Variants in ITGA4 observed in about 807,000 individuals in gnomAD.
ITGA4 encodes integrin subunit alpha 4, also known as integrin alpha-4.
Under a neutral mutation model 133.6 loss-of-function variants are expected in ITGA4, and 63 were observed. That is an observed-to-expected ratio of 0.47 (90% CI 0.38 to 0.58). The LOEUF is 0.58. ITGA4 is among the 20% of genes least tolerant of loss of function. The probability of loss-of-function intolerance (pLI) is 0.00; values close to 1 mark genes in which losing one functional copy is unlikely to be tolerated. For synonymous variants in ITGA4, 483 were observed against 438.0 expected (o/e 1.10, Z -1.28); for missense variants, 1,076 against 1,252.7 (o/e 0.86, Z 2.13).
In ITGA4 at chr2:181,488,847, T is replaced by C. The variant is rs113012681; in HGVS notation, c.1153+2855T>C. 2.3e-4 allele frequency among the ~76,000 whole-genome samples: 35 copies of C among 150,798 alleles called. 1 individual carries two copies. The highest frequency in any genetic ancestry group is 3.5e-4 in the African/African-American group (14 of 40,166). On this transcript the variant is annotated intron_variant, in intron 10 of 27. Coordinates refer to ENST00000397033, the MANE Select transcript of ITGA4 (RefSeq NM_000885.6). ...TGCTGGGATTACAGGCATGAGCCAC[T>C]GCACCCAGCCCTCCAGTTCTAATTT...
At chr2:181,525,438 CCTTA>C (rs887096731) in intron 21 of ITGA4, 147 bp downstream of exon 21, 50 of 559,674 alleles carry the variant, frequency 8.9e-5, no homozygotes, top group African/African-American at 8.5e-4. Context: ...TGTTATAGTC[CCTTA>C]CTTAGCTGTC....
In ITGA4 at chr2:181,536,868, G is replaced by C. The variant is rs1574420204; in HGVS notation, c.*1341G>C. On this transcript the variant is annotated 3_prime_UTR_variant, in exon 28 of 28. Transcript: ENST00000397033. ...CATAAGAGAGCTGTGGCCGAATTTT[G>C]AACATCTGTTATAGGGAGTGATCAA... 2.3e-6 allele frequency: 1 copy of C among 432,620 alleles called. No homozygotes were observed. Among genetic ancestry groups the C allele is most frequent in the East Asian group, 7.1e-5 (1 of 14,032 alleles). The allele number at this position is 432,620 out of a possible 1,614,324, so 26.8% of individuals were successfully genotyped here. A position where few individuals can be genotyped will look rare whatever the true frequency, so the allele number is the denominator to read the frequency against.
In ITGA4 at chr2:181,523,211, T is replaced by A. The variant is rs983602359; in HGVS notation, c.2074-226T>A. 3 of 373,940 alleles carry A rather than the reference T, an allele frequency of 8.0e-6. No individual in the cohort carries two copies. The highest frequency in any genetic ancestry group is 1.5e-5 in the Non-Finnish European group (3 of 199,280). The allele number at this position is 373,940 out of a possible 1,614,324, so 23.2% of individuals were successfully genotyped here. ...ATACACATATATATACACACACATATATACACACATATATACATACATATA... is the reference window on the plus strand; with the variant it reads ...ATACACATATATATACACACACATAAATACACACATATATACATACATATA... On this transcript the variant is annotated intron_variant, in intron 18 of 27. Coordinates refer to ENST00000397033, the MANE Select transcript of ITGA4 (RefSeq NM_000885.6). This position sits in a 1 kb window ranked among gnomAD's most constrained non-coding sequence, Gnocchi z 4.2.
At position 181,527,950 on chromosome 2, in the gene ITGA4, TAA is replaced by T. The variant is rs200297642; in HGVS notation, c.2430+564_2430+565del. On this transcript the variant is annotated intron_variant, in intron 22 of 27. Coordinates refer to ENST00000397033, the MANE Select transcript of ITGA4 (RefSeq NM_000885.6). The stretch of plus-strand genomic sequence containing the variant: ...AAGTATTAGGAGACTGATGTAAACC[TAA>T]GTTTTTAAAAACATTTTTTGCTGTC... Among the ~76,000 whole-genome samples the T allele has an allele frequency of 3.0e-3, 452 of 152,224 alleles. 2 individuals are homozygous for T. The highest frequency in any genetic ancestry group is 0.01 in the African/African-American group (425 of 41,468).
chr2:181,496,661 T>C (rs1356983846), intron 14 of ITGA4, among the ~76,000 whole-genome samples: 1 of 152,198 alleles, frequency 6.6e-6, no homozygotes, highest in Admixed American at 6.5e-5. Flanking sequence ...TATATGACTT[T>C]ATAAGTATTT....
At position 181,480,167 on chromosome 2, in the gene ITGA4, T is replaced by A; in HGVS notation, c.655T>A (p.Ser219Thr). 1 of 1,559,190 alleles carries A rather than the reference T, an allele frequency of 6.4e-7. No homozygotes were observed. Among genetic ancestry groups the A allele is most frequent in the South Asian group, 1.2e-5 (1 of 81,010 alleles). Reference sequence around the variant, plus strand: ...AATTGTGATGGGGGCCCCAGGATCATCTTACTGGACTGGCTCTCTTTTTGT... The same window carrying A: ...AATTGTGATGGGGGCCCCAGGATCAACTTACTGGACTGGCTCTCTTTTTGT... ...DLIVMGAPGS[S>T]YWTGSLFVYN... Residue 219 changes from serine (S) to threonine (T), a missense_variant, in exon 6 of 28, where the codon TCT (serine) becomes ACT (threonine). Physicochemically the swap from Ser to Thr is moderately conservative, Grantham distance 58. Around this residue, in one of 4 missense-constraint regions of ITGA4, gnomAD observed 436 missense variants for 590.7 expected, o/e 0.74. Transcript: ENST00000397033.
chr2:181,526,913 C>G (rs1036274993), intron 21 of ITGA4, among the ~76,000 whole-genome samples: 2 of 142,530 alleles, frequency 1.4e-5, no homozygotes, highest in Non-Finnish European at 3.0e-5. Context: ...CTCACTGCAA[C>G]CTCTGCTTCT....
rs1295571010 is a variant in ITGA4 at position 181,536,764 on chromosome 2, AT to A, written c.*1238del. 1 of 248,518 alleles carries A rather than the reference AT, an allele frequency of 4.0e-6. No individual in the cohort carries two copies. The highest frequency in any genetic ancestry group is 2.3e-5 in the African/African-American group (1 of 43,576). 15.4% of individuals were successfully genotyped at this position (248,518 alleles called of 1,614,324 possible). The stretch of plus-strand genomic sequence containing the variant: ...TCTGGATTTTAAAAAATTTCTTTAA[AT>A]ACAATCATTTTTGTAATATTTATTT... On this transcript the variant is annotated 3_prime_UTR_variant, in exon 28 of 28. Transcript: ENST00000397033.
At chr2:181,459,373 T>C (rs1685211291) in intron 2 of ITGA4, 1 of 152,202 alleles carries the variant, frequency 6.6e-6, no homozygotes, top group Admixed American at 6.5e-5. Context: ...GTGAATAAAA[T>C]TGGTACTTCT....
chr2:181,479,708 A>T (rs1050752109), intron 5 of ITGA4: 1 of 152,088 alleles, frequency 6.6e-6, no homozygotes, highest in Non-Finnish European at 1.5e-5. Flanking sequence ...AGCTAACATT[A>T]TTAGTCAGGG....
At chr2:181,471,453 T>C (rs1289859170) in intron 2 of ITGA4, among the ~76,000 whole-genome samples, 1 of 152,236 alleles carries the variant, frequency 6.6e-6, no homozygotes, top group Non-Finnish European at 1.5e-5. Flanking sequence ...CTACAAGATA[T>C]TAATCAATTT....
At chr2:181,530,678 C>T in intron 24 of ITGA4, 29 bp downstream of exon 24, 2 of 1,597,076 alleles carry the variant, frequency 1.3e-6, no homozygotes, top group Non-Finnish European at 1.7e-6. Flanking sequence ...GGTTGTAGTT[C>T]CTGCTTTCCA....
rs1419171148 is a variant in ITGA4, at chr2:181,522,161, A to C, written c.1923-30A>C. On this transcript the variant is annotated intron_variant, in intron 17 of 27. Transcript: ENST00000397033. The stretch of plus-strand genomic sequence containing the variant: ...AGAGAGGGATTTTTATTTCCTAAAC[A>C]AGAACTAAATAATATTACTTAATTT... 2.1e-6 allele frequency: 3 copies of C among 1,398,936 alleles called. No homozygotes were observed. The East Asian group carries it at 6.9e-5, about 32-fold the overall frequency. 86.7% of individuals were successfully genotyped at this position (1,398,936 alleles called of 1,614,324 possible).
In ITGA4 at chr2:181,516,676, T is replaced by C. The variant is rs114729669; in HGVS notation, c.1922+4901T>C. Among the ~76,000 whole-genome samples the C allele has an allele frequency of 9.6e-3, 1,464 of 152,166 alleles. 18 individuals are homozygous for C. Among genetic ancestry groups the C allele is most frequent in the Non-Finnish European group, 0.014 (970 of 67,966 alleles). On this transcript the variant is annotated intron_variant, in intron 17 of 27. Transcript: ENST00000397033. This position sits in a 1 kb window ranked among gnomAD's most constrained non-coding sequence, Gnocchi z 4.0. ...TGATCCTGAATCAATTATTTTGTTA[T>C]TGTGATACATTCTCTGGAGTTGAAC...
At position 181,495,126 on chromosome 2, in the gene ITGA4, A is replaced by C. The variant is rs1445564495; in HGVS notation, c.1340-245A>C. On this transcript the variant is annotated intron_variant, in intron 12 of 27. Coordinates refer to ENST00000397033, the MANE Select transcript of ITGA4 (RefSeq NM_000885.6). The surrounding 1 kb of genome is among the most constrained non-coding windows in gnomAD (Gnocchi z 4.3). ...TGAATGTTTCTAGTCCAAAAATTGA[A>C]TTTTGTTTTAGTAAACTTGTTTTTG... is the stretch of plus-strand genomic sequence containing the variant. Among the ~76,000 whole-genome samples, 1 of 152,194 alleles carries C rather than the reference A, an allele frequency of 6.6e-6. No individual in the cohort carries two copies. The highest frequency in any genetic ancestry group is 1.5e-5 in the Non-Finnish European group (1 of 68,022).
At chr2:181,482,947 A>G (rs1685838951) in intron 9 of ITGA4, among the ~76,000 whole-genome samples, 1 of 152,094 alleles carries the variant, frequency 6.6e-6, no homozygotes, top group African/African-American at 2.4e-5. Flanking sequence ...GTTGATACTA[A>G]TCTAATTTGA....
intron 17 of ITGA4, among the ~76,000 whole-genome samples, chr2:181,518,782 C>T (rs1686661436): frequency 6.6e-6 from 1 of 151,858 alleles, no homozygotes; most frequent in Admixed American, 6.6e-5. Context: ...GATATGCTTG[C>T]TTTTTATATG....
In ITGA4 at chr2:181,537,470, A is replaced by T. The variant is rs945929699; in HGVS notation, c.*1943A>T. 2.2e-6 allele frequency: 1 copy of T among 450,408 alleles called. No homozygotes were observed. The highest frequency in any genetic ancestry group is 4.5e-6 in the Non-Finnish European group (1 of 224,460). The allele number at this position is 450,408 out of a possible 1,614,324, so 27.9% of individuals were successfully genotyped here. A position where few individuals can be genotyped will look rare whatever the true frequency, so the allele number is the denominator to read the frequency against. On this transcript the variant is annotated 3_prime_UTR_variant, in exon 28 of 28. Transcript: ENST00000397033. ...AATTTTAAAACCCTACCACTTTAAG[A>T]AGACAGGGATGGGTTATTCTTTTTT...
intron 17 of ITGA4, among the ~76,000 whole-genome samples, chr2:181,521,703 ATAG>A (rs1217903225): frequency 6.6e-6 from 1 of 152,182 alleles, no homozygotes; most frequent in African/African-American, 2.4e-5. Context: ...GTGGGTGGAC[ATAG>A]TAGTTCTTCC....
Sources: gnomAD v4.1 joint callset for allele counts (sites outside exome capture counted in the v4.1 genomes callset) on GRCh38, gnomAD v4.1.1 for gene constraint, gnomAD v4.1.1 regional missense constraint, Gnocchi (gnomAD v3.1) non-coding constraint, MANE v1.5 for transcripts, NCBI Gene and HGNC (gene_info 2026-07-23, HGNC 2026-07-21) for gene names.